Variants in AMMECR1 observed in about 807,000 individuals in gnomAD.
AMMECR1 encodes AMMECR nuclear protein 1.
Under a neutral mutation model 22.5 loss-of-function variants are expected in AMMECR1, and 3 were observed. The ratio of observed to expected loss-of-function variants is 0.13; its 90% confidence interval spans 0.06 to 0.35. The LOEUF (loss-of-function observed/expected upper bound fraction) is 0.35, where lower values mean the gene tolerates loss of function less well. Ranked by LOEUF, AMMECR1 falls within the 10% of genes least tolerant of loss-of-function variation. AMMECR1 has a pLI of 1.00. For missense variants in AMMECR1, 235 were observed against 278.7 expected (o/e 0.84, Z 1.12); for synonymous variants, 130 against 116.7 (o/e 1.11, Z -0.74).
intron 2 of AMMECR1, among the ~76,000 whole-genome samples, chrX:110,240,645 C>T (rs2148186462): frequency 9.1e-6 from 1 of 109,417 alleles, no homozygotes; most frequent in East Asian, 2.9e-4. Context: ...ACTTTAACAC[C>T]TCACTGTCAA....
chrX:110,252,190 T>C (rs965486249), intron 2 of AMMECR1, among the ~76,000 whole-genome samples: 12 of 111,382 alleles, frequency 1.1e-4, no homozygotes, highest in African/African-American at 3.3e-4. Flanking sequence ...AAGCTAAGAA[T>C]TGAGGGATTC....
chrX:110,394,046 C>G (rs1263697398), intron 2 of AMMECR1, among the ~76,000 whole-genome samples: 3 of 112,241 alleles, frequency 2.7e-5, no homozygotes, highest in Non-Finnish European at 5.6e-5. Context: ...TATGATTTTG[C>G]TTTGCAAATG....
chrX:110,228,928 G>A (rs750751862), intron 2 of AMMECR1, among the ~76,000 whole-genome samples: 1 of 112,216 alleles, frequency 8.9e-6, no homozygotes, highest in Non-Finnish European at 1.9e-5. Context: ...AGAGTATTTG[G>A]TTCTCTTTTA....
rs558455997 is a variant in AMMECR1, at chrX:110,255,087, G to A, written c.584+9402C>T. Among the ~76,000 whole-genome samples the A allele has an allele frequency of 3.6e-5, 4 of 112,158 alleles. No homozygotes were observed. The South Asian group carries it at 1.5e-3, about 42-fold the overall frequency. ...TGTCCCAACTCTTTTCTTCCTCTTC[G>A]GGATTTGTCAATTTTAGAAAAAGGG... On this transcript the variant is annotated intron_variant, in intron 2 of 5. Transcript: ENST00000262844.
chrX:110,328,141 C>T (rs2068105000), intron 2 of AMMECR1, among the ~76,000 whole-genome samples: 1 of 112,241 alleles, frequency 8.9e-6, no homozygotes, highest in Non-Finnish European at 1.9e-5. Flanking sequence ...AGATCAACAA[C>T]AAGGCCTAGT....
At chrX:110,301,452 T>C (rs1341221643) in intron 1 of AMMECR1, among the ~76,000 whole-genome samples, 1 of 112,332 alleles carries the variant, frequency 8.9e-6, no homozygotes, top group African/African-American at 3.2e-5. Flanking sequence ...GTCCTGAGGA[T>C]AGGGCTTTTC....
rs2068056345 is a variant in AMMECR1, at chrX:110,317,644, T to C, written c.428A>G (p.Tyr143Cys). The change falls in exon 1 of 6, where the codon TAT becomes TGT. Residue 143 changes from tyrosine (Y) to cysteine (C), a missense_variant. Physicochemically the swap from Tyr to Cys is radical, Grantham distance 194. Around this residue, in one of 2 missense-constraint regions of AMMECR1, gnomAD observed 111 missense variants for 181.7 expected, o/e 0.61. Transcript: ENST00000262844. ...GGGGGTCCGGGGCTGCTGGTATCCA[T>C]ACAGGTGACAGTAGAGCACATCGAA... ...FCFDVLYCHL[Y>C]GYQQPRTPRF... 1 of 1,205,791 alleles carries C rather than the reference T, an allele frequency of 8.3e-7. No individual in the cohort carries two copies. The highest frequency in any genetic ancestry group is 1.1e-6 in the Non-Finnish European group (1 of 893,015).
intron 2 of AMMECR1, among the ~76,000 whole-genome samples, chrX:110,221,372 A>C (rs974524752): frequency 4.5e-5 from 5 of 111,697 alleles, no homozygotes; most frequent in African/African-American, 1.6e-4. Flanking sequence ...CTGTCTCACT[A>C]AGTAGCAATT....
At chrX:110,356,984 C>G (rs1191650613) in intron 2 of AMMECR1, among the ~76,000 whole-genome samples, 5 of 111,757 alleles carry the variant, frequency 4.5e-5, no homozygotes, top group Non-Finnish European at 7.5e-5. Context: ...AATTTAGCAT[C>G]TATTTTTAAG....
chrX:110,311,772 A>C (rs2068024459), intron 1 of AMMECR1, among the ~76,000 whole-genome samples: 1 of 111,935 alleles, frequency 8.9e-6, no homozygotes, highest in Non-Finnish European at 1.9e-5. Flanking sequence ...TAGCAACACT[A>C]ACTACAGAAG....
chrX:110,336,618 G>T (rs1002103943), intron 2 of AMMECR1, among the ~76,000 whole-genome samples: 2 of 111,339 alleles, frequency 1.8e-5, no homozygotes, highest in African/African-American at 6.5e-5. Context: ...AGGAGGCTGA[G>T]GCAGGAGAAT....
chrX:110,432,555 C>T (rs2068805265), intron 1 of AMMECR1, among the ~76,000 whole-genome samples: 1 of 111,995 alleles, frequency 8.9e-6, no homozygotes, highest in South Asian at 3.8e-4. Context: ...AACCTGTGAG[C>T]GTGGCACCTC....
In AMMECR1 at chrX:110,334,335, A is replaced by C. The variant is rs775367492; in HGVS notation, c.-147-16486T>G. ...ACTTACTTGCTCACTTTGTACCTTA[A>C]ATTTATACTTTTTAAAAACAAAGAT... On this transcript the variant is annotated intron_variant, in intron 2 of 7. Transcript: ENST00000372057. Among the ~76,000 whole-genome samples the C allele has an allele frequency of 2.7e-5, 3 of 111,935 alleles. No homozygotes were observed. The South Asian group carries it at 1.1e-3, about 42-fold the overall frequency.
chrX:110,419,006 C>T (rs1405424513), intron 2 of AMMECR1: 8 of 110,661 alleles, frequency 7.2e-5, no homozygotes, highest in Middle Eastern at 4.7e-3. Context: ...TTTCAGTCTC[C>T]CTGGGTAGCT....
chrX:110,322,642 C>T (rs1331404814), upstream of AMMECR1, among the ~76,000 whole-genome samples: 2 of 111,794 alleles, frequency 1.8e-5, no homozygotes, highest in African/African-American at 6.5e-5. Flanking sequence ...TGAATTAAGT[C>T]TCTTTTGTAC....
rs75660729 is a variant in AMMECR1 at position 110,227,095 on chromosome X, C to G, written c.585-10463G>C. ...TTTTGGACATATCTAGGCTGGTGGG[C>G]CTGTTTCTGATTTTTTAATTTTGCT... On this transcript the variant is annotated intron_variant, in intron 2 of 5. Transcript: ENST00000262844. 8.9e-5 allele frequency among the ~76,000 whole-genome samples: 10 copies of G among 111,738 alleles called. No individual in the cohort carries two copies. In the East Asian group the frequency reaches 2.8e-3, roughly 31 times the overall value.
intron 2 of AMMECR1, among the ~76,000 whole-genome samples, chrX:110,229,947 T>C (rs935450127): frequency 8.9e-6 from 1 of 112,765 alleles, no homozygotes; most frequent in African/African-American, 3.2e-5. Flanking sequence ...GCAGCCTGGC[T>C]GGGGGAGGGG....
At chrX:110,393,265 T>C (rs947168998) in intron 2 of AMMECR1, among the ~76,000 whole-genome samples, 4 of 112,162 alleles carry the variant, frequency 3.6e-5, no homozygotes, top group African/African-American at 1.3e-4. Flanking sequence ...CACAAAGGGC[T>C]AATAACAGTA....
intron 2 of AMMECR1, among the ~76,000 whole-genome samples, chrX:110,244,332 T>C (rs181128442): frequency 2.7e-3 from 304 of 111,744 alleles, no homozygotes; most frequent in Non-Finnish European, 5.0e-3. Flanking sequence ...ATAGTAATAG[T>C]CAGGGATGTA....
Sources: gnomAD v4.1 joint callset for allele counts (sites outside exome capture counted in the v4.1 genomes callset) on GRCh38, gnomAD v4.1.1 for gene constraint, gnomAD v4.1.1 regional missense constraint, MANE v1.5 for transcripts, NCBI Gene and HGNC (gene_info 2026-07-23, HGNC 2026-07-21) for gene names.